The following IFFO2 variants were observed in gnomAD, a reference collection of about 807,000 sequenced individuals.
IFFO2 encodes the protein intermediate filament family orphan 2.
IFFO2 carries 19 observed loss-of-function variants against 53.5 expected under a neutral mutation model. The observed-to-expected ratio is 0.36, with a 90% CI of 0.25 to 0.52. The LOEUF is 0.52. Ranked by LOEUF, IFFO2 falls within the 20% of genes least tolerant of loss-of-function variation. IFFO2 has a pLI of 0.94. For missense variants in IFFO2, 570 were observed against 727.4 expected (o/e 0.78, Z 2.49); for synonymous variants, 303 against 313.6 (o/e 0.97, Z 0.36).
intron 1 of IFFO2, among the ~76,000 whole-genome samples, chr1:18,946,243 A>AACAGC (rs1261723512): frequency 6.6e-6 from 1 of 152,008 alleles, no homozygotes; most frequent in Non-Finnish European, 1.5e-5. Context: ...CAGCCCTCCA[A>AACAGC]ACAGCCTCAT....
At position 18,955,889 on chromosome 1, in the gene IFFO2, G is replaced by A. The variant is rs1236781515; in HGVS notation, c.444C>T (p.Gly148=). 3.0e-6 allele frequency: 4 copies of A among 1,354,210 alleles called. No individual in the cohort carries two copies. The highest frequency in any genetic ancestry group is 3.7e-5 in the South Asian group (2 of 53,550). 83.9% of individuals were successfully genotyped at this position (1,354,210 alleles called of 1,614,324 possible). The change falls in exon 1 of 9, where the codon GGC becomes GGT. Residue 148 remains glycine, a synonymous_variant. Coordinates refer to ENST00000455833, the MANE Select transcript of IFFO2 (RefSeq NM_001136265.2). The stretch of plus-strand genomic sequence containing the variant: ...GGCGGCCGTAGTGCTGCGGGTGCGA[G>A]CCGCCGCCGGGGGGCAGGCCGCCCA... The part of the protein sequence containing the change: ...VALGGLPPGG[G]SHPQHYGRLP...
At position 18,916,877 on chromosome 1, in the gene IFFO2, A is replaced by G. The variant is rs1936139956; in HGVS notation, c.1103+26T>C. The G allele has an allele frequency of 6.4e-7, 1 of 1,550,522 alleles. No homozygotes were observed. The highest frequency in any genetic ancestry group is 1.4e-5 in the African/African-American group (1 of 73,006). On this transcript the variant is annotated intron_variant, in intron 5 of 8. Transcript: ENST00000455833. This position sits in a 1 kb window ranked among gnomAD's most constrained non-coding sequence, Gnocchi z 4.3. ...GTGCAAGCAATCCGGGGAAACGGAG[A>G]GTGTGCGGGCCACGGGGATACTCAC...
At chr1:18,945,580 A>C (rs1430049653) in intron 1 of IFFO2, among the ~76,000 whole-genome samples, 1 of 152,272 alleles carries the variant, frequency 6.6e-6, no homozygotes, top group Non-Finnish European at 1.5e-5. Flanking sequence ...GCCTCTCTCC[A>C]TCGAGCAGCA....
At chr1:18,915,632 T>C (rs899387183) in intron 5 of IFFO2, among the ~76,000 whole-genome samples, 2 of 146,528 alleles carry the variant, frequency 1.4e-5, no homozygotes, top group Non-Finnish European at 3.1e-5. Context: ...TCCCTTCTCC[T>C]CTCAGAGTCT....
At chr1:18,910,716 C>T (rs992336573) in intron 7 of IFFO2, among the ~76,000 whole-genome samples, 3 of 152,244 alleles carry the variant, frequency 2.0e-5, no homozygotes, top group Non-Finnish European at 2.9e-5. Context: ...CCAGCAGCAG[C>T]CTGGCTCTGA....
At chr1:18,943,772 C>T (rs766648737) in intron 1 of IFFO2, among the ~76,000 whole-genome samples, 9 of 152,194 alleles carry the variant, frequency 5.9e-5, no homozygotes, top group South Asian at 4.1e-4. Flanking sequence ...GTGCCTTTTG[C>T]GACATGGAGA....
chr1:18,930,923 C>A (rs1217711603), intron 1 of IFFO2, among the ~76,000 whole-genome samples: 1 of 152,164 alleles, frequency 6.6e-6, no homozygotes, highest in Non-Finnish European at 1.5e-5. Context: ...GTAATCCCAA[C>A]ACTTTGGGAG....
chr1:18,912,205 CAG>C, intron 5 of IFFO2, 122 bp from the exon 6 acceptor site: 2 of 1,223,974 alleles, frequency 1.6e-6, no homozygotes, highest in Non-Finnish European at 2.3e-6. Context: ...TCAGGAAAGA[CAG>C]GGGTAGTAAG....
intron 1 of IFFO2, among the ~76,000 whole-genome samples, chr1:18,929,586 C>T (rs903266300): frequency 1.3e-5 from 2 of 152,136 alleles, no homozygotes; most frequent in Non-Finnish European, 2.9e-5. Flanking sequence ...CTGACATTCC[C>T]CCCACTTGTT....
chr1:18,913,734 G>C (rs1326944462), intron 5 of IFFO2, among the ~76,000 whole-genome samples: 1 of 152,250 alleles, frequency 6.6e-6, no homozygotes, highest in African/African-American at 2.4e-5. Context: ...CCCGCCTGGG[G>C]TGGGGTCAGG....
At chr1:18,946,032 C>T (rs1200270770) in intron 1 of IFFO2, among the ~76,000 whole-genome samples, 3 of 152,202 alleles carry the variant, frequency 2.0e-5, no homozygotes, top group African/African-American at 7.2e-5. Flanking sequence ...TGTCCAACCT[C>T]CCGTCCCAGG....
At chr1:18,940,278 A>G (rs1229312211) in intron 1 of IFFO2, among the ~76,000 whole-genome samples, 1 of 152,226 alleles carries the variant, frequency 6.6e-6, no homozygotes, top group Non-Finnish European at 1.5e-5. Context: ...ACAGCAGAGA[A>G]GCAGAAACTT....
intron 1 of IFFO2, among the ~76,000 whole-genome samples, chr1:18,921,869 G>T (rs1462501139): frequency 1.3e-5 from 2 of 152,114 alleles, no homozygotes; most frequent in Admixed American, 6.5e-5. Flanking sequence ...CGGGAGGGGA[G>T]AAGGCAAAGG....
chr1:18,940,790 C>A (rs756656418), intron 1 of IFFO2, among the ~76,000 whole-genome samples: 1 of 152,142 alleles, frequency 6.6e-6, no homozygotes, highest in Non-Finnish European at 1.5e-5. Context: ...TTAACTTGTA[C>A]GTACACGTGC....
At position 18,916,347 on chromosome 1, in the gene IFFO2, C is replaced by T. The variant is rs1936132953; in HGVS notation, c.1103+556G>A. Among the ~76,000 whole-genome samples the T allele has an allele frequency of 6.6e-6, 1 of 152,174 alleles. No homozygotes were observed. Among genetic ancestry groups the T allele is most frequent in the Non-Finnish European group, 1.5e-5 (1 of 68,042 alleles). ...GGATGCTGGCGAATGGAAGAGTATG[C>T]GCCTGTCCAGATTCAGCAGCTGCCA... On this transcript the variant is annotated intron_variant, in intron 5 of 8. Coordinates refer to ENST00000455833, the MANE Select transcript of IFFO2 (RefSeq NM_001136265.2). This position sits in a 1 kb window ranked among gnomAD's most constrained non-coding sequence, Gnocchi z 4.3.
At chr1:18,930,752 C>T (rs749971240) in intron 1 of IFFO2, among the ~76,000 whole-genome samples, 4 of 152,210 alleles carry the variant, frequency 2.6e-5, no homozygotes, top group African/African-American at 4.8e-5. Context: ...AGGGAACCCC[C>T]GGGTCACCTG....
intron 7 of IFFO2, among the ~76,000 whole-genome samples, chr1:18,910,970 G>A (rs541292091): frequency 7.2e-5 from 11 of 152,358 alleles, no homozygotes; most frequent in South Asian, 4.1e-4. Context: ...CTTCCTGGCC[G>A]CAAGGCCTTG....
intron 1 of IFFO2, among the ~76,000 whole-genome samples, chr1:18,938,636 T>A (rs1304688787): frequency 1.3e-5 from 2 of 152,140 alleles, no homozygotes; most frequent in African/African-American, 4.8e-5. Flanking sequence ...CTTGAGCCCA[T>A]CCCTGCACCT....
At chr1:18,938,458 G>A (rs1398703332) in intron 1 of IFFO2, among the ~76,000 whole-genome samples, 7 of 152,182 alleles carry the variant, frequency 4.6e-5, no homozygotes, top group Non-Finnish European at 2.9e-5. Flanking sequence ...CTCCCATGCT[G>A]GGACTGGGGA....
Sources: allele counts gnomAD v4.1 joint callset (sites outside exome capture counted in the v4.1 genomes callset), GRCh38; gene constraint gnomAD v4.1.1; non-coding constraint Gnocchi (gnomAD v3.1); transcripts MANE v1.5; gene names NCBI Gene and HGNC (gene_info 2026-07-23, HGNC 2026-07-21).